PKMYT1: variants seen among roughly 807,000 people sequenced by gnomAD.
The protein encoded by PKMYT1 is protein kinase, membrane associated tyrosine/threonine 1, also known as membrane-associated tyrosine- and threonine-specific cdc2-inhibitory kinase.
In PKMYT1, 35 loss-of-function variants were observed where a neutral mutation model predicts 49.7. The ratio of observed to expected loss-of-function variants is 0.70; its 90% confidence interval spans 0.54 to 0.93. The LOEUF (loss-of-function observed/expected upper bound fraction) is 0.93, where lower values mean the gene tolerates loss of function less well. PKMYT1 is among the 40% of genes least tolerant of loss of function. The pLI is 0.00. For missense variants in PKMYT1, 677 were observed against 673.1 expected (o/e 1.01, Z -0.06); for synonymous variants, 331 against 287.6 (o/e 1.15, Z -1.53).
In PKMYT1 at chr16:2,976,694, C is replaced by T. The variant is rs2072204043; in HGVS notation, c.348G>A (p.Leu116=). ...AGACCTCTCCGTAGGAGCCATGGCC[C>T]AGGCGGCTGAGCCTCTGGAAGCTCT... ...FQQSFQRLSR[L]GHGSYGEVFK... Residue 116 remains leucine (L), a synonymous_variant, in exon 3 of 9, where the codon CTG becomes CTA. Coordinates refer to ENST00000262300, the MANE Select transcript of PKMYT1 (RefSeq NM_004203.5). 2 of 1,488,036 alleles carry T rather than the reference C, an allele frequency of 1.3e-6. No homozygotes were observed. The allele number at this position is 1,488,036 out of a possible 1,614,324, so 92.2% of individuals were successfully genotyped here.
In PKMYT1 at chr16:2,973,022, C is replaced by T. The variant is rs754495444; in HGVS notation, c.1431G>A (p.Arg477=). ...GAGGCTCAAAGGAGGGGAAGGAGCC[C>T]CGAGGAGGCTCTGAGTTGATGTCAC... The part of the protein sequence containing the change: ...DLSDINSEPP[R]GSFPSFEPRN... The change falls in exon 9 of 9, where the codon CGG becomes CGA. Residue 477 remains arginine, a synonymous_variant. Transcript: ENST00000262300. The T allele has an allele frequency of 6.2e-7, 1 of 1,609,888 alleles. No individual in the cohort carries two copies. Among genetic ancestry groups the T allele is most frequent in the Non-Finnish European group, 8.5e-7 (1 of 1,178,992 alleles).
chr16:2,979,780 C>A lies in PKMYT1; in HGVS notation c.-123G>T. The A allele has an allele frequency of 8.4e-7, 1 of 1,196,334 alleles. No individual in the cohort carries two copies. The highest frequency in any genetic ancestry group is 1.2e-6 in the Non-Finnish European group (1 of 824,904). The allele number at this position is 1,196,334 out of a possible 1,614,324, so 74.1% of individuals were successfully genotyped here. A position where few individuals can be genotyped will look rare whatever the true frequency, so the allele number is the denominator to read the frequency against. On this transcript the variant is annotated 5_prime_UTR_variant, in exon 2 of 9. Transcript: ENST00000262300. ...GGGTGACCTCCGCAGCTTCCGGGGC[C>A]CTGGGCGATCGGGCCGTCTCGCCTC...
chr16:2,978,951 C>T (rs904322691), intron 2 of PKMYT1, among the ~76,000 whole-genome samples: 13 of 151,284 alleles, frequency 8.6e-5, no homozygotes, highest in East Asian at 2.1e-4. Flanking sequence ...GGATTACAGG[C>T]GTGTGCCAAC....
Position 2,975,538 on chromosome 16 carries a change from A to G in PKMYT1, c.653T>C (p.Leu218Pro), listed in dbSNP as rs1448834644. The change falls in exon 4 of 9, where the codon CTG (leucine) becomes CCG (proline). Residue 218 changes from leucine to proline, a missense_variant. Leu to Pro is a moderately conservative substitution (Grantham distance 98). Transcript: ENST00000262300. ...GCTGTGCAGATGGGCCAGGGCAAGC[A>G]GCGTGTCCCGCAGGTAGCCCCAGAC... ...AQVWGYLRDT[L>P]LALAHLHSQG... 1.2e-6 allele frequency: 2 copies of G among 1,612,132 alleles called. No homozygotes were observed. Among genetic ancestry groups the G allele is most frequent in the African/African-American group, 2.7e-5 (2 of 74,918 alleles).
Position 2,976,877 on chromosome 16 carries a change from G to A in PKMYT1, c.165C>T (p.Pro55=). 4 of 1,532,450 alleles carry A rather than the reference G, an allele frequency of 2.6e-6. No individual in the cohort carries two copies. The highest frequency in any genetic ancestry group is 3.5e-6 in the Non-Finnish European group (4 of 1,133,812). 94.9% of individuals were successfully genotyped at this position (1,532,450 alleles called of 1,614,324 possible). A position where few individuals can be genotyped will look rare whatever the true frequency, so the allele number is the denominator to read the frequency against. ...TGATGGGAATGCTGCCCTTGGCAGG[G>A]GGCGGAGGTGGGAGGCTCCGGCTGA... ...RGLSRSLPPP[P]PAKGSIPISR... is the part of the protein sequence containing the mutation. The change falls in exon 3 of 9, where the codon CCC becomes CCT. Residue 55 remains proline, a synonymous_variant. Coordinates refer to ENST00000262300, the MANE Select transcript of PKMYT1 (RefSeq NM_004203.5).
rs905367006 is a variant in PKMYT1 at position 2,973,585 on chromosome 16, C to G, written c.1311-370G>C. 1.6e-4 allele frequency: 96 copies of G among 613,322 alleles called. 1 individual carries two copies. In the South Asian group the frequency reaches 1.9e-3, roughly 12 times the overall value. 38.0% of individuals were successfully genotyped at this position (613,322 alleles called of 1,614,324 possible). On this transcript the variant is annotated intron_variant, in intron 7 of 8. Transcript: ENST00000262300. ...GGCAGAGTCCCCAAGAGCTGTCTGC[C>G]CTGAGCGTGTGGTTTCCTAATTACA...
chr16:2,979,051 A>C (rs760408289), intron 2 of PKMYT1, among the ~76,000 whole-genome samples: 1 of 149,434 alleles, frequency 6.7e-6, no homozygotes, highest in African/African-American at 2.4e-5. Context: ...AAAACAATAG[A>C]GCGGCTGGGT....
At position 2,975,375 on chromosome 16, in the gene PKMYT1, G is replaced by A. The variant is rs113718846; in HGVS notation, c.816C>T (p.Arg272=). The A allele has an allele frequency of 6.3e-5, 102 of 1,613,050 alleles. No individual in the cohort carries two copies. The African/African-American group carries it at 1.1e-3, about 18-fold the overall frequency. Reference sequence around the variant, plus strand: ...CCTGCAGCAGCTCGGGGGCCATGTAGCGGGGGTCTCCCTCCTGGACCTCAC... The same window carrying A: ...CCTGCAGCAGCTCGGGGGCCATGTAACGGGGGTCTCCCTCCTGGACCTCAC... ...GAGEVQEGDP[R]YMAPELLQGS... The change falls in exon 4 of 9, where the codon CGC becomes CGT. Residue 272 remains arginine (R), a synonymous_variant. Transcript: ENST00000262300.
chr16:2,974,183 T>C (rs2072108554), intron 6 of PKMYT1, 26 bp from the exon 7 acceptor site: 2 of 1,580,214 alleles, frequency 1.3e-6, no homozygotes, highest in Non-Finnish European at 1.7e-6. Context: ...GCTCAGGATG[T>C]GGGTGGGCGG....
intron 4 of PKMYT1, among the ~76,000 whole-genome samples, chr16:2,975,039 C>T (rs1037119611): frequency 3.9e-5 from 6 of 152,202 alleles, no homozygotes; most frequent in South Asian, 2.1e-4. Flanking sequence ...CAGTGGGCTC[C>T]GGCAAGGCCC....
At chr16:2,976,067 G>T in intron 3 of PKMYT1, 1 of 462,086 alleles carries the variant, frequency 2.2e-6, no homozygotes, top group South Asian at 4.6e-5. Flanking sequence ...CCTCTTGGAT[G>T]TGTCACGAGG....
rs758758145 is a variant in PKMYT1, at chr16:2,976,682, G to A, written c.360C>T (p.Ser120=). The A allele has an allele frequency of 4.0e-6, 6 of 1,483,988 alleles. No individual in the cohort carries two copies. The highest frequency in any genetic ancestry group is 4.5e-6 in the Non-Finnish European group (5 of 1,114,648). The allele number at this position is 1,483,988 out of a possible 1,614,324, so 91.9% of individuals were successfully genotyped here. Residue 120 remains serine (S), a synonymous_variant, in exon 3 of 9, where the codon TCC becomes TCT. Coordinates refer to ENST00000262300, the MANE Select transcript of PKMYT1 (RefSeq NM_004203.5). ...FQRLSRLGHG[S]YGEVFKVRSK... Reference sequence around the variant, plus strand: ...CACTCACCTTGAAGACCTCTCCGTAGGAGCCATGGCCCAGGCGGCTGAGCC... The same window carrying A: ...CACTCACCTTGAAGACCTCTCCGTAAGAGCCATGGCCCAGGCGGCTGAGCC...
At chr16:2,978,020 CTG>C (rs1048479630) in intron 2 of PKMYT1, among the ~76,000 whole-genome samples, 11 of 152,216 alleles carry the variant, frequency 7.2e-5, no homozygotes, top group African/African-American at 2.4e-4. Context: ...AGGCTCCACA[CTG>C]GGAGAGGGCA....
Position 2,975,466 on chromosome 16 carries a change from C to T in PKMYT1, c.725G>A (p.Gly242Glu). 3 of 1,613,078 alleles carry T rather than the reference C, an allele frequency of 1.9e-6. No homozygotes were observed. The highest frequency in any genetic ancestry group is 1.7e-5 in the Admixed American group (1 of 60,022). The change falls in exon 4 of 9, where the codon GGG becomes GAG. Residue 242 changes from glycine (G) to glutamate (E), a missense_variant. Coordinates refer to ENST00000262300, the MANE Select transcript of PKMYT1 (RefSeq NM_004203.5). ...ACCCAGCTTGCAGCGGCCCCGGGGC[C>T]CCAGGAAGATGTTGGCAGGCTTGAC... ...LDVKPANIFL[G>E]PRGRCKLGDF... is the part of the protein sequence containing the mutation.
At position 2,979,640 on chromosome 16, in the gene PKMYT1, C is replaced by T. The variant is rs775542785; in HGVS notation, c.10+8G>A. 16 of 1,611,472 alleles carry T rather than the reference C, an allele frequency of 9.9e-6. No homozygotes were observed. In the Admixed American group the frequency reaches 1.8e-4, roughly 18 times the overall value. ...CAGTTCTCCCACCGTCCCTGCCCTA[C>T]GACTTACGTTCTAGCATGACTGGCC... On this transcript the variant is annotated splice_region_variant and intron_variant, in intron 2 of 8. Transcript: ENST00000262300.
In PKMYT1 at chr16:2,974,563, A is replaced by AG; in HGVS notation, c.965dup (p.Glu323Ter). ...TCACCTACTCACCGGCAGTGAACTC[A>AG]GGGGGCAGGTAGCCCTGGCGCAGCT... On this transcript the variant is annotated frameshift_variant, in exon 5 of 9. Transcript: ENST00000262300. LOFTEE classifies it high-confidence loss of function. 6.3e-7 allele frequency: 1 copy of AG among 1,575,448 alleles called. No individual in the cohort carries two copies. The highest frequency in any genetic ancestry group is 8.6e-7 in the Non-Finnish European group (1 of 1,160,374).
intron 2 of PKMYT1, among the ~76,000 whole-genome samples, chr16:2,978,977 T>C (rs2072271079): frequency 6.6e-6 from 1 of 151,672 alleles, no homozygotes; most frequent in African/African-American, 2.4e-5. Context: ...AGAATAATTT[T>C]TATATTTTTA....
chr16:2,979,513 T>A lies in PKMYT1; in HGVS notation c.10+135A>T. On this transcript the variant is annotated intron_variant, in intron 2 of 8. Transcript: ENST00000262300. ...AGTCCCAGCCCAGGGTTTCTCCAAG[T>A]CAGGAGCCAGGGTGTTGGGATCCTG... 3 of 734,550 alleles carry A rather than the reference T, an allele frequency of 4.1e-6. No homozygotes were observed. The South Asian group carries it at 4.6e-5, about 11-fold the overall frequency. 45.5% of individuals were successfully genotyped at this position (734,550 alleles called of 1,614,324 possible).
intron 7 of PKMYT1, 86 bp downstream of exon 7, chr16:2,973,914 G>T: frequency 7.1e-7 from 1 of 1,417,350 alleles, no homozygotes; most frequent in Non-Finnish European, 9.7e-7. Context: ...TGTGGGAGTG[G>T]TCCCCATTCA....
Sources: allele counts gnomAD v4.1 joint callset (sites outside exome capture counted in the v4.1 genomes callset), GRCh38; gene constraint gnomAD v4.1.1; transcripts MANE v1.5; gene names NCBI Gene and HGNC (gene_info 2026-07-23, HGNC 2026-07-21).